The following INPP5D variants were observed in gnomAD, a reference collection of about 807,000 sequenced individuals.
INPP5D encodes phosphatidylinositol 3,4,5-trisphosphate 5-phosphatase 1.
Under a neutral mutation model 122.9 loss-of-function variants are expected in INPP5D, and 33 were observed. That is an observed-to-expected ratio of 0.27 (90% CI 0.20 to 0.36). The LOEUF is 0.36. Among genes scored for constraint, INPP5D ranks in the 10% least tolerant of loss-of-function variants. INPP5D has a pLI of 1.00. For synonymous variants in INPP5D, 584 were observed against 576.2 expected, an observed-to-expected ratio of 1.01 and a Z score of -0.19; for missense variants, 1,053 against 1,412.7, an observed-to-expected ratio of 0.75 and a Z score of 4.08.
rs943898266 is a variant in INPP5D, at chr2:233,183,427, C to T, written c.2161+928C>T. Among the ~76,000 whole-genome samples, 2 of 152,152 alleles carry T rather than the reference C, an allele frequency of 1.3e-5. No individual in the cohort carries two copies. Among genetic ancestry groups the T allele is most frequent in the Admixed American group, 6.5e-5 (1 of 15,286 alleles). On this transcript the variant is annotated intron_variant, in intron 19 of 26. Transcript: ENST00000445964. This position sits in a 1 kb window ranked among gnomAD's most constrained non-coding sequence, Gnocchi z 4.6. ...TCCATGGCCCCAGAAATGTGACCTC[C>T]CTCCTCCACCCAAGCCTTGACCCAC...
In INPP5D at chr2:233,206,210, G is replaced by T. The variant is rs1350315491; in HGVS notation, c.3568-496G>T. Among the ~76,000 whole-genome samples the T allele has an allele frequency of 6.6e-6, 1 of 152,008 alleles. No individual in the cohort carries two copies. The highest frequency in any genetic ancestry group is 1.5e-5 in the Non-Finnish European group (1 of 68,014). On this transcript the variant is annotated intron_variant, in intron 26 of 26. Transcript: ENST00000445964. The surrounding 1 kb of genome is among the most constrained non-coding windows in gnomAD (Gnocchi z 4.0). Reference sequence around the variant, plus strand: ...TAGTACCTACCTCATAGACTTAGAAGGAGAATTGCATTGTAGGCTATTATG... The same window carrying T: ...TAGTACCTACCTCATAGACTTAGAATGAGAATTGCATTGTAGGCTATTATG...
At chr2:233,102,139 G>A (rs559642785) in intron 2 of INPP5D, among the ~76,000 whole-genome samples, 29 of 152,264 alleles carry the variant, frequency 1.9e-4, no homozygotes, top group African/African-American at 7.0e-4. Context: ...ACTCTAGATC[G>A]CACAACCAGT....
chr2:233,087,529 G>A (rs1003479905), intron 2 of INPP5D, among the ~76,000 whole-genome samples: 1 of 152,044 alleles, frequency 6.6e-6, no homozygotes, highest in Non-Finnish European at 1.5e-5. Flanking sequence ...GTTTCACCAT[G>A]TTGCCCAGGA....
At chr2:233,118,797 A>G (rs73996040) in intron 2 of INPP5D, among the ~76,000 whole-genome samples, 4,159 of 152,254 alleles carry the variant, frequency 0.027, 199 homozygotes, top group African/African-American at 0.095. Context: ...TCCTCAGCAC[A>G]CTTGTCAGCG....
rs1267167291 is a variant in INPP5D, at chr2:233,078,443, T to G, written c.135-892T>G. On this transcript the variant is annotated intron_variant, in intron 1 of 26. Coordinates refer to ENST00000445964, the MANE Select transcript of INPP5D (RefSeq NM_001017915.3). The surrounding 1 kb of genome is among the most constrained non-coding windows in gnomAD (Gnocchi z 4.6). ...CCAGCTGCTGGGGCAAATCCAGGTCTCGGCAAGGCTGGTGGCCAACCCCTG... is the reference window on the plus strand; with the variant it reads ...CCAGCTGCTGGGGCAAATCCAGGTCGCGGCAAGGCTGGTGGCCAACCCCTG... Among the ~76,000 whole-genome samples the G allele has an allele frequency of 6.6e-6, 1 of 152,218 alleles. No homozygotes were observed. The highest frequency in any genetic ancestry group is 1.5e-5 in the Non-Finnish European group (1 of 68,040).
chr2:233,126,920 A>G (rs1053250982), intron 4 of INPP5D, among the ~76,000 whole-genome samples: 1 of 49,984 alleles, frequency 2.0e-5, no homozygotes, highest in Non-Finnish European at 5.4e-5. Flanking sequence ...AACTGCGTCT[A>G]AAAAAAAAAA....
At chr2:233,176,552 TGTGAGGATGATAATGGATTGATG>T (rs1694642089) in intron 17 of INPP5D, among the ~76,000 whole-genome samples, 1 of 4 alleles carries the variant, frequency 0.25, no homozygotes, top group Non-Finnish European at 0.5. Context: ...TGATGTGTGG[TGTGAGGATGATAATGGATTGATG>T]ATGTGTGGGT....
At chr2:233,083,850 G>A (rs4353640) in intron 2 of INPP5D, among the ~76,000 whole-genome samples, 21,946 of 152,090 alleles carry the variant, frequency 0.14, 1,731 homozygotes, top group East Asian at 0.33. Flanking sequence ...AGGCCCTTCG[G>A]CTCCACCCTA....
At chr2:233,073,640 C>CAAAA (rs752382722) in intron 1 of INPP5D, among the ~76,000 whole-genome samples, 16 of 44,194 alleles carry the variant, frequency 3.6e-4, no homozygotes, top group African/African-American at 4.4e-4. Context: ...AACTCAATCT[C>CAAAA]AAAAAAAAAA....
At chr2:233,145,556 C>T (rs868266419) in intron 6 of INPP5D, among the ~76,000 whole-genome samples, 6 of 152,254 alleles carry the variant, frequency 3.9e-5, no homozygotes, top group Middle Eastern at 3.4e-3. Flanking sequence ...TCAGGGAAGA[C>T]CTCTTTGTGG....
chr2:233,133,875 GGGGT>G, intron 5 of INPP5D: 1 of 428,494 alleles, frequency 2.3e-6, no homozygotes, highest in Admixed American at 2.4e-5. Context: ...AGCAGGGGCA[GGGGT>G]CTGTGTCTGT....
At chr2:233,199,722 G>A (rs12692197) in intron 25 of INPP5D, among the ~76,000 whole-genome samples, 110,916 of 151,180 alleles carry the variant, frequency 0.73, 40,724 homozygotes, top group South Asian at 0.86. Context: ...CCAGCTACTC[G>A]GGAGGCTGAG....
chr2:233,203,641 C>A (rs999650409), intron 25 of INPP5D, among the ~76,000 whole-genome samples: 1 of 152,174 alleles, frequency 6.6e-6, no homozygotes, highest in African/African-American at 2.4e-5. Flanking sequence ...CCCATAATCC[C>A]AGCACTTTGG....
At chr2:233,075,518 T>C (rs995051671) in intron 1 of INPP5D, among the ~76,000 whole-genome samples, 3 of 152,122 alleles carry the variant, frequency 2.0e-5, no homozygotes, top group African/African-American at 7.2e-5. Flanking sequence ...TGTGTGTGTG[T>C]GTGCATGTGT....
intron 2 of INPP5D, among the ~76,000 whole-genome samples, chr2:233,113,965 C>A (rs1178064205): frequency 2.9e-5 from 4 of 140,100 alleles, no homozygotes; most frequent in South Asian, 4.3e-4. Flanking sequence ...GGATGGAGTG[C>A]AGTGGCGCCA....
In INPP5D at chr2:233,122,270, G is replaced by A. The variant is rs765026121; in HGVS notation, c.349+13G>A. Reference sequence around the variant, plus strand: ...GAGGAGGACACAGGTAGGGAGGGAGGGACAGGACGGCAGGAGGTACTTTTG... The same window carrying A: ...GAGGAGGACACAGGTAGGGAGGGAGAGACAGGACGGCAGGAGGTACTTTTG... On this transcript the variant is annotated intron_variant, in intron 3 of 26. Transcript: ENST00000445964. 8 of 1,611,716 alleles carry A rather than the reference G, an allele frequency of 5.0e-6. No homozygotes were observed. The South Asian group carries it at 6.6e-5, about 13-fold the overall frequency.
Position 233,185,844 on chromosome 2 carries a change from T to C in INPP5D, c.2277T>C (p.Ser759=), listed in dbSNP as rs1694899390. 3 of 1,600,586 alleles carry C rather than the reference T, an allele frequency of 1.9e-6. No homozygotes were observed. In the East Asian group the frequency reaches 6.8e-5, roughly 36 times the overall value. The change falls in exon 21 of 27, where the codon AGT becomes AGC. Residue 759 remains serine (S), a splice_region_variant and synonymous_variant. Transcript: ENST00000445964. ...YLEFHSSCLE[S]FVKSQEGENE... Reference sequence around the variant, plus strand: ...ACCAGCCTTTTTGTCCTCCAACAGGTTTTGTCAAGAGTCAGGAAGGAGAAA... The same window carrying C: ...ACCAGCCTTTTTGTCCTCCAACAGGCTTTGTCAAGAGTCAGGAAGGAGAAA...
chr2:233,125,975 C>T lies in INPP5D; in HGVS notation c.524+56C>T. 1.5e-5 allele frequency: 24 copies of T among 1,558,564 alleles called. 1 individual carries two copies. Among genetic ancestry groups the T allele is most frequent in the Non-Finnish European group, 2.1e-5 (24 of 1,145,802 alleles). ...TCATCTGCAGTGAGCCCAGCCAGGGCAGGGCTGGATGGCTTGGGTTTCGAT... is the reference window on the plus strand; with the variant it reads ...TCATCTGCAGTGAGCCCAGCCAGGGTAGGGCTGGATGGCTTGGGTTTCGAT... On this transcript the variant is annotated intron_variant, in intron 4 of 26. Coordinates refer to ENST00000445964, the MANE Select transcript of INPP5D (RefSeq NM_001017915.3).
intron 21 of INPP5D, among the ~76,000 whole-genome samples, chr2:233,186,647 A>T (rs1401680157): frequency 1.4e-5 from 2 of 144,046 alleles, no homozygotes; most frequent in African/African-American, 5.2e-5. Flanking sequence ...ACCAAAAAAA[A>T]ATTTTTTTTC....
Sources: gnomAD v4.1 joint callset for allele counts (sites outside exome capture counted in the v4.1 genomes callset) on GRCh38, gnomAD v4.1.1 for gene constraint, Gnocchi (gnomAD v3.1) non-coding constraint, MANE v1.5 for transcripts, NCBI Gene and HGNC (gene_info 2026-07-23, HGNC 2026-07-21) for gene names.